Variants in CSMD1 observed in about 807,000 individuals in gnomAD.
The protein encoded by CSMD1 is CUB and sushi domain-containing protein 1.
Under a neutral mutation model 417.5 loss-of-function variants are expected in CSMD1, and 213 were observed. The observed-to-expected ratio is 0.51, with a 90% confidence interval of 0.46 to 0.57. The LOEUF (loss-of-function observed/expected upper bound fraction) is 0.57, where lower values mean the gene tolerates loss of function less well. Ranked by LOEUF, CSMD1 falls within the 20% of genes least tolerant of loss-of-function variation. The pLI, the probability that CSMD1 is intolerant of heterozygous loss-of-function variation, is 0.00. For synonymous variants in CSMD1, 2,862 were observed against 1,736.8 expected (o/e 1.65, Z -16.11); for missense variants, 6,923 against 4,529.7 (o/e 1.53, Z -15.17).
At chr8:3,461,868 G>A (rs1816527502) in intron 12 of CSMD1, among the ~76,000 whole-genome samples, 2 of 152,322 alleles carry the variant, frequency 1.3e-5, no homozygotes, top group South Asian at 4.1e-4. Flanking sequence ...GAGGCCCTGT[G>A]AGGACTTGGG....
intron 36 of CSMD1, among the ~76,000 whole-genome samples, chr8:3,183,305 C>G (rs1041988359): frequency 6.9e-6 from 1 of 144,622 alleles, no homozygotes; most frequent in Non-Finnish European, 1.5e-5. Context: ...TCGAGTAGGT[C>G]TCTAACGCCT....
At chr8:4,303,787 C>G (rs1405035891) in intron 3 of CSMD1, among the ~76,000 whole-genome samples, 1 of 152,002 alleles carries the variant, frequency 6.6e-6, no homozygotes, top group Non-Finnish European at 1.5e-5. Context: ...TCCTGAGTAG[C>G]TGGGACTACA....
chr8:3,863,264 G>A (rs538352607), intron 5 of CSMD1, among the ~76,000 whole-genome samples: 1 of 152,018 alleles, frequency 6.6e-6, no homozygotes, highest in Non-Finnish European at 1.5e-5. Context: ...AGGTCTGGTG[G>A]CAGGCACCTG....
intron 1 of CSMD1, among the ~76,000 whole-genome samples, chr8:4,881,533 GTTTTT>G (rs67009139): frequency 1.5e-5 from 2 of 132,122 alleles, no homozygotes; most frequent in African/African-American, 2.8e-5. Context: ...CTCGAAGTTA[GTTTTT>G]TTTTTTTTTT....
chr8:4,667,137 C>T (rs1297618475), intron 1 of CSMD1, among the ~76,000 whole-genome samples: 1 of 152,098 alleles, frequency 6.6e-6, no homozygotes, highest in South Asian at 2.1e-4. Flanking sequence ...ACCTTGTCCC[C>T]TTTCTCAAAT....
intron 3 of CSMD1, among the ~76,000 whole-genome samples, chr8:4,341,553 C>T (rs1479777069): frequency 1.3e-5 from 2 of 152,174 alleles, no homozygotes; most frequent in African/African-American, 2.4e-5. Context: ...ATTTTTCCTA[C>T]AGTGTGATTT....
chr8:3,838,497 CCTAGG>C (rs1241183686), intron 5 of CSMD1, among the ~76,000 whole-genome samples: 2 of 127,596 alleles, frequency 1.6e-5, no homozygotes, highest in Non-Finnish European at 3.3e-5. Flanking sequence ...AGATATATAG[CCTAGG>C]CTATATATAA....
At chr8:3,907,589 C>T (rs1026225752) in intron 5 of CSMD1, among the ~76,000 whole-genome samples, 4 of 152,148 alleles carry the variant, frequency 2.6e-5, no homozygotes, top group Non-Finnish European at 5.9e-5. Flanking sequence ...GTGCCAGGTA[C>T]AGGCCAACAT....
chr8:3,540,724 G>C (rs900427288), intron 10 of CSMD1, among the ~76,000 whole-genome samples: 1 of 151,930 alleles, frequency 6.6e-6, no homozygotes, highest in Non-Finnish European at 1.5e-5. Context: ...GTGAGCAAAA[G>C]ACATGAACAG....
chr8:4,064,300 A>G (rs1563074960), intron 3 of CSMD1, among the ~76,000 whole-genome samples: 1 of 152,140 alleles, frequency 6.6e-6, no homozygotes, highest in Non-Finnish European at 1.5e-5. Flanking sequence ...ATATCCTGCA[A>G]TGTTCCTGGG....
chr8:4,212,854 C>T (rs191505310), intron 3 of CSMD1, among the ~76,000 whole-genome samples: 1 of 147,314 alleles, frequency 6.8e-6, no homozygotes, highest in African/African-American at 2.5e-5. Context: ...TCTAGTCCAG[C>T]TTTCCATCCT....
intron 1 of CSMD1, among the ~76,000 whole-genome samples, chr8:4,883,558 G>T (rs113273115): frequency 6.6e-6 from 1 of 152,002 alleles, no homozygotes; most frequent in Non-Finnish European, 1.5e-5. Flanking sequence ...CCAATTCCAA[G>T]CATTTCGTAT....
intron 3 of CSMD1, among the ~76,000 whole-genome samples, chr8:4,239,036 G>T (rs1802234432): frequency 6.6e-6 from 1 of 152,138 alleles, no homozygotes; most frequent in African/African-American, 2.4e-5. Context: ...TGCTTTTGCT[G>T]AAATATCACA....
intron 3 of CSMD1, among the ~76,000 whole-genome samples, chr8:4,285,939 A>G (rs1466320735): frequency 6.6e-6 from 1 of 152,166 alleles, no homozygotes; most frequent in South Asian, 2.1e-4. Context: ...TTAAGTGGCT[A>G]TGATATATCC....
At chr8:4,073,444 G>A (rs1438858997) in intron 3 of CSMD1, among the ~76,000 whole-genome samples, 3 of 152,208 alleles carry the variant, frequency 2.0e-5, no homozygotes, top group East Asian at 1.9e-4. Flanking sequence ...TATTCTGTGC[G>A]ACTGTCTTAC....
At chr8:4,392,849 T>C (rs1203369417) in intron 3 of CSMD1, among the ~76,000 whole-genome samples, 1 of 151,744 alleles carries the variant, frequency 6.6e-6, no homozygotes, top group Non-Finnish European at 1.5e-5. Flanking sequence ...GCACCTGTAA[T>C]CCCAGCTACC....
At chr8:3,808,650 G>A (rs184975013) in intron 5 of CSMD1, among the ~76,000 whole-genome samples, 8 of 152,108 alleles carry the variant, frequency 5.3e-5, no homozygotes, top group Non-Finnish European at 1.2e-4. Context: ...CTGAGCCCAA[G>A]GGACTTAGGT....
At chr8:4,803,670 A>C (rs1425847096) in intron 1 of CSMD1, among the ~76,000 whole-genome samples, 1 of 152,246 alleles carries the variant, frequency 6.6e-6, no homozygotes, top group Non-Finnish European at 1.5e-5. Flanking sequence ...AAAACATATC[A>C]GTAAAATAAA....
intron 26 of CSMD1, among the ~76,000 whole-genome samples, chr8:3,275,153 G>C (rs1358698026): frequency 1.3e-5 from 2 of 152,104 alleles, no homozygotes; most frequent in Non-Finnish European, 2.9e-5. Context: ...GCATTTGCTT[G>C]TCTGTAAAGT....
Sources: allele counts gnomAD v4.1 joint callset (sites outside exome capture counted in the v4.1 genomes callset), GRCh38; gene constraint gnomAD v4.1.1; transcripts MANE v1.5; gene names NCBI Gene and HGNC (gene_info 2026-07-23, HGNC 2026-07-21).